Variants in TSG101 observed in about 807,000 individuals in gnomAD.
TSG101 encodes tumor susceptibility 101.
In TSG101, 19 loss-of-function variants were observed where a neutral mutation model predicts 48.5. The observed-to-expected ratio is 0.39, with a 90% CI of 0.27 to 0.58. The LOEUF (loss-of-function observed/expected upper bound fraction) is 0.58, where lower values mean the gene tolerates loss of function less well. Ranked by LOEUF, TSG101 falls within the 20% of genes least tolerant of loss-of-function variation. TSG101 has a pLI of 0.55. For missense variants in TSG101, 365 were observed against 484.4 expected (o/e 0.75, Z 2.31); for synonymous variants, 174 against 169.4 (o/e 1.03, Z -0.21).
In TSG101 at chr11:18,482,200, A is replaced by AT. The variant is rs528090981; in HGVS notation, c.844-332dup. 2.6e-5 allele frequency among the ~76,000 whole-genome samples: 4 copies of AT among 152,328 alleles called. No individual in the cohort carries two copies. In the South Asian group the frequency reaches 8.3e-4, roughly 32 times the overall value. On this transcript the variant is annotated intron_variant, in intron 8 of 9. Transcript: ENST00000251968. ...AGAAGGTTCCTTTACATAGAAAATC[A>AT]TAAGAGGTTTTTCTTCCCAACAAAT...
In TSG101 at chr11:18,508,166, G is replaced by A. The variant is rs187388203; in HGVS notation, c.482-1243C>T. Among the ~76,000 whole-genome samples, 4 of 150,976 alleles carry A rather than the reference G, an allele frequency of 2.6e-5. No homozygotes were observed. In the East Asian group the frequency reaches 5.8e-4, roughly 22 times the overall value. ...GTTACCTTTGTCATAGCGGTCACTC[G>A]CTATATTATCTGAGCAAATAAACAA... On this transcript the variant is annotated intron_variant, in intron 5 of 9. Transcript: ENST00000251968.
At chr11:18,514,464 A>G (rs1358860520) in intron 4 of TSG101, among the ~76,000 whole-genome samples, 7 of 152,222 alleles carry the variant, frequency 4.6e-5, no homozygotes, top group Admixed American at 6.5e-5. Flanking sequence ...AGCCAACAAA[A>G]TATTGAATAT....
At chr11:18,523,139 C>T (rs993248566) in intron 1 of TSG101, among the ~76,000 whole-genome samples, 1 of 152,184 alleles carries the variant, frequency 6.6e-6, no homozygotes, top group Non-Finnish European at 1.5e-5. Context: ...ATGTGATCCT[C>T]TAGCTTCCGC....
At position 18,526,894 on chromosome 11, in the gene TSG101, T is replaced by C; in HGVS notation, c.-78A>G. The stretch of plus-strand genomic sequence containing the variant: ...GGCTGCCCCAGACCGTCCCACACAA[T>C]CGCACACCCCCAACCCGGCCTCAAA... On this transcript the variant is annotated 5_prime_UTR_variant, in exon 1 of 10. Transcript: ENST00000251968. 2 of 1,505,576 alleles carry C rather than the reference T, an allele frequency of 1.3e-6. No homozygotes were observed. The highest frequency in any genetic ancestry group is 9.0e-7 in the Non-Finnish European group (1 of 1,113,944). The allele number at this position is 1,505,576 out of a possible 1,614,324, so 93.3% of individuals were successfully genotyped here. A position where few individuals can be genotyped will look rare whatever the true frequency, so the allele number is the denominator to read the frequency against.
chr11:18,500,377 A>G (rs1169867441), intron 7 of TSG101, among the ~76,000 whole-genome samples: 1 of 152,136 alleles, frequency 6.6e-6, no homozygotes, highest in Non-Finnish European at 1.5e-5. Flanking sequence ...GGTAGTTCTA[A>G]TTTTAGTTTT....
chr11:18,484,165 C>A, intron 7 of TSG101, 93 bp from the exon 8 acceptor site: 2 of 1,258,986 alleles, frequency 1.6e-6, no homozygotes, highest in South Asian at 1.3e-5. Flanking sequence ...CAATATGAAC[C>A]GACACTTTCA....
At chr11:18,523,491 T>TTA (rs1332321603) in intron 1 of TSG101, among the ~76,000 whole-genome samples, 7 of 152,026 alleles carry the variant, frequency 4.6e-5, no homozygotes, top group Non-Finnish European at 1.0e-4. Flanking sequence ...CAATCTTTAT[T>TTA]TTATTATTTT....
chr11:18,522,851 G>T lies in TSG101; in HGVS notation c.43-3248C>A, dbSNP rs1227107577. ...CTTCTGTCTATGAGTCTTTGCATTT[G>T]TTTTTCCTTCCTTCTGAAATGTTCT... On this transcript the variant is annotated intron_variant, in intron 1 of 9. Transcript: ENST00000251968. Among the ~76,000 whole-genome samples, 5 of 152,238 alleles carry T rather than the reference G, an allele frequency of 3.3e-5. No homozygotes were observed. The East Asian group carries it at 7.7e-4, about 24-fold the overall frequency.
chr11:18,483,296 A>G (rs774013068), intron 8 of TSG101, among the ~76,000 whole-genome samples: 2 of 152,064 alleles, frequency 1.3e-5, no homozygotes, highest in Non-Finnish European at 2.9e-5. Context: ...GGAGTTCGGG[A>G]CGAGCCTGGC....
chr11:18,502,176 C>G (rs1160235336), intron 7 of TSG101, among the ~76,000 whole-genome samples: 1 of 152,172 alleles, frequency 6.6e-6, no homozygotes, highest in Non-Finnish European at 1.5e-5. Context: ...TGATGGTGAT[C>G]TGTTTTCACA....
chr11:18,523,485 C>T (rs1363649858), intron 1 of TSG101, among the ~76,000 whole-genome samples: 1 of 152,040 alleles, frequency 6.6e-6, no homozygotes, highest in East Asian at 1.9e-4. Context: ...ACATATCAAT[C>T]TTTATTTTAT....
chr11:18,505,998 G>T (rs550453564), intron 6 of TSG101, among the ~76,000 whole-genome samples: 1 of 152,050 alleles, frequency 6.6e-6, no homozygotes, highest in East Asian at 1.9e-4. Flanking sequence ...TGTATTTTTA[G>T]TAGAGATGGG....
chr11:18,505,745 A>G (rs1590281065), intron 6 of TSG101, among the ~76,000 whole-genome samples: 1 of 152,328 alleles, frequency 6.6e-6, no homozygotes, highest in Middle Eastern at 3.4e-3. Flanking sequence ...GAATAAGTAA[A>G]TATCATGCGA....
intron 4 of TSG101, among the ~76,000 whole-genome samples, chr11:18,514,309 T>C (rs187669434): frequency 1.5e-3 from 221 of 152,302 alleles, no homozygotes; most frequent in African/African-American, 5.2e-3. Context: ...ATCAGACACA[T>C]AAACAGAAGT....
chr11:18,500,027 T>C (rs1849863722), intron 7 of TSG101, among the ~76,000 whole-genome samples: 1 of 152,192 alleles, frequency 6.6e-6, no homozygotes, highest in Admixed American at 6.5e-5. Flanking sequence ...TTCTTAAGTC[T>C]CTGGTGTCTA....
chr11:18,490,766 G>A, intron 7 of TSG101: 3 of 514,516 alleles, frequency 5.8e-6, no homozygotes, highest in Admixed American at 2.2e-5. Flanking sequence ...TCTGCTCAAT[G>A]CTGGAGAAGA....
In TSG101 at chr11:18,492,617, C is replaced by G. The variant is rs182710475; in HGVS notation, c.641-8545G>C. Among the ~76,000 whole-genome samples, 226 of 152,170 alleles carry G rather than the reference C, an allele frequency of 1.5e-3. 1 individual carries two copies. Among genetic ancestry groups the G allele is most frequent in the African/African-American group, 5.2e-3 (215 of 41,520 alleles). On this transcript the variant is annotated intron_variant, in intron 7 of 9. Coordinates refer to ENST00000251968, the MANE Select transcript of TSG101 (RefSeq NM_006292.4). The stretch of plus-strand genomic sequence containing the variant: ...AAGTCATTAACCCTCAAAATAAGAA[C>G]CAAGCCGAGGCAGCAGTCGCTTGGC...
At chr11:18,481,518 G>T in intron 9 of TSG101, 112 bp downstream of exon 9, 1 of 1,483,096 alleles carries the variant, frequency 6.7e-7, no homozygotes, top group Non-Finnish European at 8.9e-7. Context: ...TTTTTGGGAA[G>T]ATAAAGAATC....
intron 4 of TSG101, among the ~76,000 whole-genome samples, chr11:18,510,843 G>C (rs530357454): frequency 6.6e-6 from 1 of 152,074 alleles, no homozygotes; most frequent in Non-Finnish European, 1.5e-5. Context: ...GATCACCTGA[G>C]CCAGGAAGGT....
Sources: allele counts gnomAD v4.1 joint callset (sites outside exome capture counted in the v4.1 genomes callset), GRCh38; gene constraint gnomAD v4.1.1; transcripts MANE v1.5; gene names NCBI Gene and HGNC (gene_info 2026-07-23, HGNC 2026-07-21).